AFDN: variants seen among roughly 807,000 people sequenced by gnomAD.
AFDN encodes afadin.
AFDN carries 68 observed loss-of-function variants against 216.6 expected under a neutral mutation model. That is an observed-to-expected ratio of 0.31 (90% confidence interval 0.26 to 0.38). AFDN has a LOEUF of 0.38. Among genes scored for constraint, AFDN ranks in the 10% least tolerant of loss-of-function variants. The pLI is 1.00. For missense variants in AFDN, 2,136 were observed against 2,342.0 expected (o/e 0.91, Z 1.82); for synonymous variants, 868 against 853.7 (o/e 1.02, Z -0.29).
intron 8 of AFDN, among the ~76,000 whole-genome samples, chr6:167,891,750 T>A (rs369246460): frequency 2.0e-5 from 3 of 152,292 alleles, no homozygotes; most frequent in South Asian, 2.1e-4. Context: ...GTACATGACA[T>A]TTATCATTCA....
chr6:167,904,892 C>T (rs900550590), intron 12 of AFDN, among the ~76,000 whole-genome samples: 2 of 152,262 alleles, frequency 1.3e-5, no homozygotes, highest in South Asian at 4.2e-4. Context: ...CTTTCGAAGC[C>T]CCTGGTGGCT....
chr6:167,955,851 C>T (rs989492538), intron 30 of AFDN, among the ~76,000 whole-genome samples: 1 of 152,076 alleles, frequency 6.6e-6, no homozygotes, highest in Non-Finnish European at 1.5e-5. Flanking sequence ...CACAGTGGTT[C>T]ATGCCTGTAA....
chr6:167,872,069 C>A, intron 3 of AFDN, 145 bp from the exon 4 acceptor site: 1 of 702,780 alleles, frequency 1.4e-6, no homozygotes, highest in Non-Finnish European at 2.4e-6. Flanking sequence ...AAGATAAAGA[C>A]CATTCTCATT....
At chr6:167,839,247 T>C (rs1026799391) in intron 1 of AFDN, among the ~76,000 whole-genome samples, 3 of 152,218 alleles carry the variant, frequency 2.0e-5, no homozygotes, top group Admixed American at 1.3e-4. Context: ...TTAAATGTAA[T>C]GGAAATTATT....
chr6:167,948,761 C>T (rs1385157157), intron 29 of AFDN, among the ~76,000 whole-genome samples: 1 of 152,210 alleles, frequency 6.6e-6, no homozygotes, highest in Non-Finnish European at 1.5e-5. Context: ...AATTAGAACT[C>T]AAGTGGTGTA....
Position 167,951,907 on chromosome 6 carries a change from T to A in AFDN, c.4553T>A (p.Leu1518Gln). The A allele has an allele frequency of 6.2e-7, 1 of 1,613,936 alleles. No homozygotes were observed. Among genetic ancestry groups the A allele is most frequent in the Non-Finnish European group, 8.5e-7 (1 of 1,179,928 alleles). ...SKEELSSGDSLSPDPWKRDAK... is the reference protein window; with the variant it reads ...SKEELSSGDSQSPDPWKRDAK... ...GAGGAGCTTTCCTCGGGGGACAGTC[T>A]GTCCCCCGACCCGTGGAAGCGGGAC... Residue 1518 changes from leucine to glutamine, a missense_variant, in exon 30 of 34, where the codon CTG (leucine) becomes CAG (glutamine). By Grantham distance (113) the Leu-to-Gln change is moderately radical. Transcript: ENST00000683244. This position sits in a 1 kb window ranked among gnomAD's most constrained non-coding sequence, Gnocchi z 7.1.
chr6:167,947,834 T>G lies in AFDN; in HGVS notation c.3554-19T>G. On this transcript the variant is annotated intron_variant, in intron 27 of 33. Transcript: ENST00000683244. ...TTATTTAATATTACACTTTTTTTTT[T>G]CCCCCCTGACTTGAGCAGATCAGCC... 2 of 1,318,144 alleles carry G rather than the reference T, an allele frequency of 1.5e-6. No individual in the cohort carries two copies. The highest frequency in any genetic ancestry group is 1.6e-5 in the African/African-American group (1 of 62,016). 81.7% of individuals were successfully genotyped at this position (1,318,144 alleles called of 1,614,324 possible).
At position 167,872,270 on chromosome 6, in the gene AFDN, C is replaced by G. The variant is rs766980063; in HGVS notation, c.471C>G (p.Phe157Leu). The change falls in exon 4 of 34, where the codon TTC becomes TTG. Residue 157 changes from phenylalanine to leucine, a missense_variant. Physicochemically the swap from Phe to Leu is conservative, Grantham distance 22. Coordinates refer to ENST00000683244, the MANE Select transcript of AFDN (RefSeq NM_001386888.1). ...KQEKEGVIQN[F>L]KRTLSKKEKK... ...AAAAAGAAGGGGTTATCCAGAACTT[C>G]AAGAGAACTCTCTCAAAGAAAGAAA... 5.0e-6 allele frequency: 8 copies of G among 1,613,318 alleles called. No individual in the cohort carries two copies. The highest frequency in any genetic ancestry group is 2.7e-5 in the African/African-American group (2 of 74,718).
chr6:167,947,859 C>G lies in AFDN; in HGVS notation c.3560C>G (p.Pro1187Arg). ...TCCCCCCTGACTTGAGCAGATCAGCCTCCTAGTCCTGGAGGGAAAAGTGCA... is the reference window on the plus strand; with the variant it reads ...TCCCCCCTGACTTGAGCAGATCAGCGTCCTAGTCCTGGAGGGAAAAGTGCA... ...HRSSPNVANQ[P>R]PSPGGKSAYA... The change falls in exon 28 of 34, where the codon CCT (proline) becomes CGT (arginine). Residue 1187 changes from proline to arginine, a missense_variant. Around this residue, in one of 8 missense-constraint regions of AFDN, gnomAD observed 981 missense variants for 966.0 expected, o/e 1.02. Coordinates refer to ENST00000683244, the MANE Select transcript of AFDN (RefSeq NM_001386888.1). 6.2e-7 allele frequency: 1 copy of G among 1,611,004 alleles called. No individual in the cohort carries two copies. Among genetic ancestry groups the G allele is most frequent in the Non-Finnish European group, 8.5e-7 (1 of 1,177,616 alleles).
intron 9 of AFDN, among the ~76,000 whole-genome samples, chr6:167,894,479 C>T (rs767446552): frequency 6.6e-6 from 1 of 152,156 alleles, no homozygotes; most frequent in African/African-American, 2.4e-5. Flanking sequence ...TTATATGTTA[C>T]TCCCTGTGAG....
At chr6:167,826,641 C>T (rs527445002), upstream of AFDN, 35 of 493,844 alleles carry the variant, frequency 7.1e-5, no homozygotes, top group Non-Finnish European at 1.4e-4. Flanking sequence ...CAGCAGCGCG[C>T]GTCCGAACCG....
chr6:167,948,472 A>G lies in AFDN; in HGVS notation c.3825A>G (p.Ala1275=), dbSNP rs374328332. ...CAGATAGTAATCATTCCAGTATTGC[A>G]ATTCAGGTTAGAAATCAAAGATTCC... ...MHTDSNHSSI[A]IQRVTRSQEE... is the part of the protein sequence containing the mutation. The change falls in exon 29 of 34, where the codon GCA becomes GCG. Residue 1275 remains alanine, a synonymous_variant. Transcript: ENST00000683244. 2 of 1,613,464 alleles carry G rather than the reference A, an allele frequency of 1.2e-6. No individual in the cohort carries two copies. The highest frequency in any genetic ancestry group is 1.7e-6 in the Non-Finnish European group (2 of 1,179,566).
At chr6:167,869,298 T>A (rs1004524984) in intron 2 of AFDN, among the ~76,000 whole-genome samples, 3 of 152,150 alleles carry the variant, frequency 2.0e-5, no homozygotes, top group African/African-American at 7.2e-5. Flanking sequence ...GTTACTGATA[T>A]TCAGGTTACA....
chr6:167,826,996 CGCGGAG>C lies in AFDN; in HGVS notation c.-128_-123del, dbSNP rs1215053098. The C allele has an allele frequency of 5.3e-6, 1 of 188,304 alleles. No homozygotes were observed. The highest frequency in any genetic ancestry group is 6.8e-5 in the Admixed American group (1 of 14,780). 11.7% of individuals were successfully genotyped at this position (188,304 alleles called of 1,614,324 possible). On this transcript the variant is annotated 5_prime_UTR_variant, in exon 1 of 34. Transcript: ENST00000683244. ...GCCAAGTCGGAGGACGCGGCGCGGC[CGCGGAG>C]GCGGAGGCAGCCGCGGAGGCGGAGG...
At chr6:167,940,587 GGA>G (rs1794581158) in intron 23 of AFDN, among the ~76,000 whole-genome samples, 1 of 27,928 alleles carries the variant, frequency 3.6e-5, no homozygotes, top group Admixed American at 3.0e-4. Context: ...ACCATCCACA[GGA>G]GAGATGTGTG....
intron 1 of AFDN, among the ~76,000 whole-genome samples, chr6:167,840,803 C>T (rs993508491): frequency 1.3e-5 from 2 of 152,156 alleles, no homozygotes; most frequent in African/African-American, 4.8e-5. Flanking sequence ...AAGTTAAGAA[C>T]ATTCAAGATG....
At chr6:167,830,284 C>A (rs1779680301) in intron 1 of AFDN, among the ~76,000 whole-genome samples, 1 of 152,168 alleles carries the variant, frequency 6.6e-6, no homozygotes, top group Non-Finnish European at 1.5e-5. Flanking sequence ...TTTTAACTTA[C>A]CAGACTTGTC....
chr6:167,875,758 A>G lies in AFDN; in HGVS notation c.739+263A>G, dbSNP rs566232059. ...TAGAAAATTTCAAGTATATACAAAA[A>G]AAGAGAAAGATACAATAAACTCCCG... On this transcript the variant is annotated intron_variant, in intron 5 of 33. Transcript: ENST00000683244. 1.3e-4 allele frequency among the ~76,000 whole-genome samples: 20 copies of G among 152,256 alleles called. 1 individual carries two copies. The East Asian group carries it at 2.3e-3, about 18-fold the overall frequency.
In AFDN at chr6:167,962,531, G is replaced by C. The variant is rs770828342; in HGVS notation, c.4932G>C (p.Gln1644His). The C allele has an allele frequency of 3.7e-6, 6 of 1,614,014 alleles. No homozygotes were observed. The highest frequency in any genetic ancestry group is 5.1e-6 in the Non-Finnish European group (6 of 1,179,872). ...RARQEEERRR[Q>H]EEERTKRDAE... ...GGCAAGAGGAAGAGCGCCGGCGGCA[G>C]GAGGAGGAGCGAACAAAACGAGACG... The change falls in exon 31 of 34, where the codon CAG becomes CAC. Residue 1644 changes from glutamine to histidine, a missense_variant. Physicochemically the swap from Gln to His is conservative, Grantham distance 24. This residue lies in a region of AFDN where 981 missense variants were observed against 966.0 expected (regional missense o/e 1.02). Transcript: ENST00000683244. This position sits in a 1 kb window ranked among gnomAD's most constrained non-coding sequence, Gnocchi z 5.2.
Sources: gnomAD v4.1 joint callset for allele counts (sites outside exome capture counted in the v4.1 genomes callset) on GRCh38, gnomAD v4.1.1 for gene constraint, gnomAD v4.1.1 regional missense constraint, Gnocchi (gnomAD v3.1) non-coding constraint, MANE v1.5 for transcripts, NCBI Gene and HGNC (gene_info 2026-07-23, HGNC 2026-07-21) for gene names.